Variants in CYFIP2 observed in about 807,000 individuals in gnomAD.
CYFIP2 encodes cytoplasmic FMR1-interacting protein 2.
A neutral mutation model predicts 158.7 loss-of-function variants in CYFIP2; 29 were observed. The ratio of observed to expected loss-of-function variants is 0.18; its 90% CI spans 0.14 to 0.25. The LOEUF is 0.25. Among genes scored for constraint, CYFIP2 ranks in the 10% least tolerant of loss-of-function variants. The probability of loss-of-function intolerance (pLI) is 1.00; values close to 1 mark genes in which losing one functional copy is unlikely to be tolerated. For synonymous variants in CYFIP2, 585 were observed against 617.6 expected (o/e 0.95, Z 0.78); for missense variants, 852 against 1,639.5 (o/e 0.52, Z 8.29).
intron 19 of CYFIP2, among the ~76,000 whole-genome samples, 191 bp downstream of exon 19, chr5:157,328,240 G>A (rs73815833): frequency 1.5e-3 from 233 of 152,348 alleles, no homozygotes; most frequent in African/African-American, 5.3e-3. Flanking sequence ...CACACAGCCT[G>A]CAGTCCAGCA....
At chr5:157,388,777 G>C (rs754402125) in intron 28 of CYFIP2, among the ~76,000 whole-genome samples, 3 of 152,120 alleles carry the variant, frequency 2.0e-5, no homozygotes, top group Non-Finnish European at 2.9e-5. Context: ...CTACCTCATG[G>C]GATGGAATGG....
chr5:157,336,517 A>G (rs1761867690), intron 21 of CYFIP2, among the ~76,000 whole-genome samples: 1 of 152,156 alleles, frequency 6.6e-6, no homozygotes, highest in Non-Finnish European at 1.5e-5. Flanking sequence ...GGCAGGCTTC[A>G]TTTATGTGTG....
At chr5:157,269,729 T>C (rs1178315487) in intron 1 of CYFIP2, 1 of 152,230 alleles carries the variant, frequency 6.6e-6, no homozygotes, top group African/African-American at 2.4e-5. Context: ...TTTAAGAAGA[T>C]GGATCTGTGG....
rs1328346925 is a variant in CYFIP2, at chr5:157,371,876, C to G, written c.3039+10278C>G. 2.0e-5 allele frequency among the ~76,000 whole-genome samples: 3 copies of G among 152,208 alleles called. No individual in the cohort carries two copies. In the East Asian group the frequency reaches 5.8e-4, roughly 29 times the overall value. On this transcript the variant is annotated intron_variant, in intron 26 of 30. Coordinates refer to ENST00000620254, the MANE Select transcript of CYFIP2 (RefSeq NM_001037333.3). ...GTCAACACAGCAATTTTACAGTAGA[C>G]AGACTGTGGTTCTTAATCACCTAAT...
At chr5:157,326,064 G>C (rs939735089) in intron 17 of CYFIP2, 107 bp from the exon 18 acceptor site, 1 of 838,998 alleles carries the variant, frequency 1.2e-6, no homozygotes, top group African/African-American at 1.7e-5. Context: ...GATGAAAGAT[G>C]GTCTTTTCCT....
chr5:157,290,371 C>G (rs1225793279), intron 3 of CYFIP2, among the ~76,000 whole-genome samples: 1 of 152,134 alleles, frequency 6.6e-6, no homozygotes, highest in Non-Finnish European at 1.5e-5. Flanking sequence ...GACTCGTGGC[C>G]CCCAGCCAGC....
intron 11 of CYFIP2, among the ~76,000 whole-genome samples, chr5:157,313,058 T>A (rs1299901433): frequency 6.6e-6 from 1 of 152,038 alleles, no homozygotes; most frequent in East Asian, 1.9e-4. Context: ...TAAGAATGAG[T>A]CTGGCCAAAG....
intron 1 of CYFIP2, among the ~76,000 whole-genome samples, chr5:157,271,798 C>T (rs951609908): frequency 1.3e-5 from 2 of 152,212 alleles, no homozygotes; most frequent in African/African-American, 2.4e-5. Context: ...CTGAGTTCCA[C>T]GTGCTCCGAT....
At chr5:157,383,382 G>A in intron 28 of CYFIP2, 23 bp downstream of exon 28, 2 of 1,601,458 alleles carry the variant, frequency 1.2e-6, no homozygotes, top group Non-Finnish European at 1.7e-6. Context: ...TATAATAAAT[G>A]GGCTCTGATC....
chr5:157,292,157 T>A (rs1757870851), intron 3 of CYFIP2, among the ~76,000 whole-genome samples: 1 of 152,164 alleles, frequency 6.6e-6, no homozygotes, highest in African/African-American at 2.4e-5. Flanking sequence ...CTTTTGTGTC[T>A]GGCTTCTTTT....
intron 15 of CYFIP2, 112 bp downstream of exon 15, chr5:157,320,914 G>GGC: frequency 7.4e-7 from 1 of 1,342,818 alleles, no homozygotes; most frequent in Non-Finnish European, 9.8e-7. Context: ...GGTCAGGAGG[G>GGC]GCAGGGTTGA....
chr5:157,375,719 G>A (rs1765402543), intron 26 of CYFIP2: 1 of 149,272 alleles, frequency 6.7e-6, no homozygotes, highest in Non-Finnish European at 1.5e-5. Flanking sequence ...CTTCCAGTAT[G>A]GCCCAGGGAA....
At chr5:157,371,140 C>A (rs1175370948) in intron 26 of CYFIP2, among the ~76,000 whole-genome samples, 1 of 152,054 alleles carries the variant, frequency 6.6e-6, no homozygotes, top group African/African-American at 2.4e-5. Flanking sequence ...AAGTGGGAAG[C>A]CTAATTTCTT....
chr5:157,354,356 G>C (rs1409390891), intron 23 of CYFIP2, among the ~76,000 whole-genome samples: 2 of 152,092 alleles, frequency 1.3e-5, no homozygotes, highest in Non-Finnish European at 2.9e-5. Flanking sequence ...TGGTTCAATG[G>C]CAAGTTTCCA....
At chr5:157,384,391 C>T (rs1303292615) in intron 28 of CYFIP2, 3 of 456,632 alleles carry the variant, frequency 6.6e-6, no homozygotes, top group African/African-American at 4.0e-5. Context: ...CAAGCCAATG[C>T]TGACTGTTTA....
chr5:157,367,341 T>TTGTC (rs1344896646), intron 26 of CYFIP2, among the ~76,000 whole-genome samples: 2 of 152,198 alleles, frequency 1.3e-5, no homozygotes, highest in Non-Finnish European at 2.9e-5. Context: ...TCTCTAGATA[T>TTGTC]TGTCTGATAT....
At chr5:157,278,442 A>G (rs1374349024) in intron 1 of CYFIP2, among the ~76,000 whole-genome samples, 1 of 152,216 alleles carries the variant, frequency 6.6e-6, no homozygotes, top group Non-Finnish European at 1.5e-5. Flanking sequence ...GTACAAAACC[A>G]GGTGTGGTCT....
chr5:157,281,246 C>T (rs1044682866), intron 1 of CYFIP2, among the ~76,000 whole-genome samples: 1 of 152,154 alleles, frequency 6.6e-6, no homozygotes, highest in African/African-American at 2.4e-5. Context: ...GTTTTTCCAT[C>T]ATTAAGCACA....
At chr5:157,343,651 C>T in intron 23 of CYFIP2, 2 of 867,166 alleles carry the variant, frequency 2.3e-6, no homozygotes, top group Non-Finnish European at 3.5e-6. Flanking sequence ...TCATGTTGCC[C>T]TCATCTTACA....
Sources: allele counts gnomAD v4.1 joint callset (sites outside exome capture counted in the v4.1 genomes callset), GRCh38; gene constraint gnomAD v4.1.1; transcripts MANE v1.5; gene names NCBI Gene and HGNC (gene_info 2026-07-23, HGNC 2026-07-21).